NAALAD2: variants seen among roughly 807,000 people sequenced by gnomAD.
NAALAD2 encodes N-acetylated-alpha-linked acidic dipeptidase 2.
A neutral mutation model predicts 95.6 loss-of-function variants in NAALAD2; 89 were observed. That is an observed-to-expected ratio of 0.93 (90% CI 0.78 to 1.11). The LOEUF is 1.11. NAALAD2 is among the 50% of genes least tolerant of loss of function. NAALAD2 has a pLI of 0.00. For missense variants in NAALAD2, 894 were observed against 872.4 expected, an observed-to-expected ratio of 1.02 and a Z score of -0.31; for synonymous variants, 264 against 294.4, an observed-to-expected ratio of 0.90 and a Z score of 1.06.
intron 11 of NAALAD2, among the ~76,000 whole-genome samples, chr11:90,164,517 T>G (rs1311541366): frequency 1.3e-5 from 2 of 152,178 alleles, no homozygotes; most frequent in Non-Finnish European, 2.9e-5. Context: ...AAACTTTTAC[T>G]CTTTCTGTAA....
chr11:90,152,311 T>C lies in NAALAD2; in HGVS notation c.623T>C (p.Met208Thr), dbSNP rs563183977. 1.3e-5 allele frequency: 21 copies of C among 1,598,330 alleles called. No homozygotes were observed. The highest frequency in any genetic ancestry group is 1.5e-5 in the Non-Finnish European group (17 of 1,167,800). ...TTGCCCCTGCAGGTTAAAAATGCCATGTTAGCAGGAGCCATAGGAATCATC... is the reference window on the plus strand; with the variant it reads ...TTGCCCCTGCAGGTTAAAAATGCCACGTTAGCAGGAGCCATAGGAATCATC... The part of the protein sequence containing the change: ...IFRGNKVKNA[M>T]LAGAIGIILY... Residue 208 changes from methionine to threonine, a missense_variant, in exon 6 of 19, where the codon ATG becomes ACG. Coordinates refer to ENST00000534061, the MANE Select transcript of NAALAD2 (RefSeq NM_005467.4).
chr11:90,170,110 CAATTAGTG>C lies in NAALAD2; in HGVS notation c.1385_1392del (p.Gln462LeufsTer2). 6.3e-7 allele frequency: 1 copy of C among 1,592,700 alleles called. No homozygotes were observed. The highest frequency in any genetic ancestry group is 8.6e-7 in the Non-Finnish European group (1 of 1,161,016). On this transcript the variant is annotated frameshift_variant, in exon 13 of 19. Coordinates refer to ENST00000534061, the MANE Select transcript of NAALAD2 (RefSeq NM_005467.4). LOFTEE classifies it high-confidence loss of function. ...AGTTGACTGTACTCCCCTTCTTTAC[CAATTAGTG>C]TATAAACTGACAAAAGAGGTATATA...
chr11:90,149,953 G>A (rs1173149556), intron 4 of NAALAD2, among the ~76,000 whole-genome samples: 2 of 152,192 alleles, frequency 1.3e-5, no homozygotes, highest in Non-Finnish European at 1.5e-5. Context: ...CACAGGACAT[G>A]CTGTTTAGAT....
chr11:90,187,645 A>G (rs1031453665), intron 18 of NAALAD2, among the ~76,000 whole-genome samples: 19 of 152,198 alleles, frequency 1.2e-4, no homozygotes, highest in African/African-American at 3.6e-4. Flanking sequence ...TCATCCAGCA[A>G]TGTATATCAG....
chr11:90,180,054 G>T (rs749091706), intron 16 of NAALAD2, among the ~76,000 whole-genome samples: 3 of 147,296 alleles, frequency 2.0e-5, no homozygotes, highest in Non-Finnish European at 4.5e-5. Flanking sequence ...GTGTAGGAAT[G>T]AAGGTATAAT....
At chr11:90,146,732 A>G (rs930300177) in intron 2 of NAALAD2, among the ~76,000 whole-genome samples, 1 of 152,154 alleles carries the variant, frequency 6.6e-6, no homozygotes, top group African/African-American at 2.4e-5. Flanking sequence ...TTGTGGGGTC[A>G]CTTAAATGTT....
intron 2 of NAALAD2, among the ~76,000 whole-genome samples, chr11:90,138,699 C>A (rs1951515884): frequency 8.5e-6 from 1 of 118,110 alleles, no homozygotes; most frequent in African/African-American, 3.1e-5. Flanking sequence ...TCCAAGATTA[C>A]TATCATGAAA....
intron 6 of NAALAD2, among the ~76,000 whole-genome samples, chr11:90,154,494 A>G (rs1427675667): frequency 6.6e-6 from 1 of 151,836 alleles, no homozygotes; most frequent in African/African-American, 2.4e-5. Context: ...TTTGGTGACA[A>G]TGTATTATCC....
chr11:90,191,745 T>C lies in NAALAD2; in HGVS notation c.2221T>C (p.Ter741GlnextTer6), dbSNP rs1429150022. Residue 741 changes from the stop codon to glutamine, a stop_lost, in exon 19 of 19, where the codon TAG becomes CAG. Transcript: ENST00000534061. ...AGCAGGAACTCTGAAAGAAGTATTA[T>C]AGAAGGTCTCAAGTGGCTAGCCATT... The part of the protein sequence containing the change: ...AAAGTLKEVL[*>Q] The C allele has an allele frequency of 1.9e-6, 3 of 1,560,094 alleles. No homozygotes were observed. Among genetic ancestry groups the C allele is most frequent in the Admixed American group, 1.9e-5 (1 of 52,698 alleles).
At chr11:90,155,631 AATATATATATAAT>A (rs1952079055) in intron 6 of NAALAD2, among the ~76,000 whole-genome samples, 1 of 39,000 alleles carries the variant, frequency 2.6e-5, no homozygotes, top group Admixed American at 3.7e-4. Flanking sequence ...CATATATATT[AATATATATATAAT>A]TATTACATAT....
rs1261991707 is a variant in NAALAD2, at chr11:90,163,041, C to T, written c.1075+7C>T. On this transcript the variant is annotated splice_region_variant and intron_variant, in intron 9 of 18. Coordinates refer to ENST00000534061, the MANE Select transcript of NAALAD2 (RefSeq NM_005467.4). ...AGAGGATCTGTGGAACCTGGTGAGT[C>T]ACATAATTTTTTAAAACATTTTGTT... 1.3e-6 allele frequency: 2 copies of T among 1,523,756 alleles called. No individual in the cohort carries two copies. Among genetic ancestry groups the T allele is most frequent in the Middle Eastern group, 1.7e-4 (1 of 5,800 alleles). 94.4% of individuals were successfully genotyped at this position (1,523,756 alleles called of 1,614,324 possible).
At position 90,163,389 on chromosome 11, in the gene NAALAD2, G is replaced by A. The variant is rs759770232; in HGVS notation, c.1155G>A (p.Leu385=). ...AIDPTSGVAV[L]QEIARSFGKL... ...ACCCAACCAGTGGGGTTGCTGTTTT[G>A]CAAGAAATTGCCCGGAGTTTTGGAA... The change falls in exon 10 of 19, where the codon TTG becomes TTA. Residue 385 remains leucine, a synonymous_variant. Transcript: ENST00000534061. 3 of 1,614,008 alleles carry A rather than the reference G, an allele frequency of 1.9e-6. No homozygotes were observed. Among genetic ancestry groups the A allele is most frequent in the Non-Finnish European group, 1.7e-6 (2 of 1,179,912 alleles).
In NAALAD2 at chr11:90,135,573, C is replaced by A. The variant is rs760711544; in HGVS notation, c.97C>A (p.Pro33Thr). The A allele has an allele frequency of 6.2e-7, 1 of 1,608,710 alleles. No individual in the cohort carries two copies. The highest frequency in any genetic ancestry group is 8.5e-7 in the Non-Finnish European group (1 of 1,177,114). ...TTTTTCCTTAGGCTGGTTTATTAAGCCTCTCAAAGAAACGACCACTTCTGT... is the reference window on the plus strand; with the variant it reads ...TTTTTCCTTAGGCTGGTTTATTAAGACTCTCAAAGAAACGACCACTTCTGT... The part of the protein sequence containing the change: ...MGFMVGWFIK[P>T]LKETTTSVRY... Residue 33 changes from proline (P) to threonine (T), a missense_variant, in exon 2 of 19, where the codon CCT becomes ACT. Pro to Thr is a conservative substitution (Grantham distance 38). Transcript: ENST00000534061.
At chr11:90,149,333 T>G (rs866063029) in intron 4 of NAALAD2, among the ~76,000 whole-genome samples, 2 of 152,206 alleles carry the variant, frequency 1.3e-5, no homozygotes, top group African/African-American at 4.8e-5. Context: ...CATTAAAAAC[T>G]GACCCTGCTG....
chr11:90,163,033 T>C lies in NAALAD2; in HGVS notation c.1074T>C (p.Pro358=), dbSNP rs1952340755. The C allele has an allele frequency of 1.3e-6, 2 of 1,539,632 alleles. No individual in the cohort carries two copies. Among genetic ancestry groups the C allele is most frequent in the Non-Finnish European group, 1.8e-6 (2 of 1,136,140 alleles). Residue 358 remains proline, a splice_region_variant and synonymous_variant, in exon 9 of 19, where the codon CCT becomes CCC. Transcript: ENST00000534061. The part of the protein sequence containing the change: ...VVGTIRGSVE[P]DRYVILGGHR... ...GAACTATCAGAGGATCTGTGGAACCTGGTGAGTCACATAATTTTTTAAAAC... is the reference window on the plus strand; with the variant it reads ...GAACTATCAGAGGATCTGTGGAACCCGGTGAGTCACATAATTTTTTAAAAC...
chr11:90,187,705 T>C (rs970001407), intron 18 of NAALAD2, among the ~76,000 whole-genome samples: 5 of 152,284 alleles, frequency 3.3e-5, no homozygotes, highest in Non-Finnish European at 7.4e-5. Context: ...GTAAAAACTT[T>C]CAGTACGTAT....
At chr11:90,148,724 A>T (rs1590967643) in intron 3 of NAALAD2, among the ~76,000 whole-genome samples, 1 of 47,694 alleles carries the variant, frequency 2.1e-5, no homozygotes, top group Non-Finnish European at 3.5e-5. Context: ...AGGCATAGTC[A>T]AAAAAAAGAG....
intron 18 of NAALAD2, among the ~76,000 whole-genome samples, chr11:90,185,028 T>C (rs1022824858): frequency 6.6e-6 from 1 of 152,136 alleles, no homozygotes; most frequent in African/African-American, 2.4e-5. Context: ...ATATGTCATA[T>C]GCAAATAGTA....
chr11:90,168,368 A>G (rs1336004246), intron 11 of NAALAD2, among the ~76,000 whole-genome samples: 1 of 152,238 alleles, frequency 6.6e-6, no homozygotes. Flanking sequence ...AATTCTGGAC[A>G]CAGTGGCACA....
Sources: allele counts gnomAD v4.1 joint callset (sites outside exome capture counted in the v4.1 genomes callset), GRCh38; gene constraint gnomAD v4.1.1; transcripts MANE v1.5; gene names NCBI Gene and HGNC (gene_info 2026-07-23, HGNC 2026-07-21).